ING1: variants seen among roughly 807,000 people sequenced by gnomAD.
The protein encoded by ING1 is inhibitor of growth protein 1.
Under a neutral mutation model 23.1 loss-of-function variants are expected in ING1, and 4 were observed. The observed-to-expected ratio is 0.17, with a 90% CI of 0.09 to 0.40. The LOEUF (loss-of-function observed/expected upper bound fraction) is 0.40. Among genes scored for constraint, ING1 ranks in the 10% least tolerant of loss-of-function variants. The pLI is 1.00. For synonymous variants in ING1, 179 were observed against 166.4 expected, an observed-to-expected ratio of 1.08 and a Z score of -0.58; for missense variants, 256 against 393.8, an observed-to-expected ratio of 0.65 and a Z score of 2.96.
At chr13:110,712,882 A>C (rs1232006849), upstream of ING1, 1 of 1,396,016 alleles carries the variant, frequency 7.2e-7, no homozygotes. Context: ...TTCCAAACTG[A>C]GTACCGGGAG....
upstream of ING1, chr13:110,713,056 C>T (rs775806738): frequency 3.4e-5 from 50 of 1,463,720 alleles, 1 homozygote; most frequent in East Asian, 7.5e-4. Flanking sequence ...GCCACTTCCG[C>T]CCGTGCCCGG....
In ING1 at chr13:110,721,435, A is replaced by G. The variant is rs931440630; in HGVS notation, c.*1503A>G. 1 of 151,002 alleles carries G rather than the reference A, an allele frequency of 6.6e-6. No individual in the cohort carries two copies. The highest frequency in any genetic ancestry group is 1.5e-5 in the Non-Finnish European group (1 of 67,924). The allele number at this position is 151,002 out of a possible 1,614,324, so 9.4% of individuals were successfully genotyped here. On this transcript the variant is annotated 3_prime_UTR_variant, in exon 2 of 2. Coordinates refer to ENST00000333219, the MANE Select transcript of ING1 (RefSeq NM_198219.3). ...CACCACCACGCCTGGCTAATTTTGT[A>G]TTTTCAGTAGAGACGCGGTTTCTCC...
chr13:110,717,154 T>G (rs1029620357), intron 1 of ING1, among the ~76,000 whole-genome samples: 1 of 152,262 alleles, frequency 6.6e-6, no homozygotes, highest in African/African-American at 2.4e-5. Context: ...GATACCATTT[T>G]GTAACCCTAA....
Position 110,713,874 on chromosome 13 carries a change from A to C in ING1, c.-276A>C, listed in dbSNP as rs1023950130. ...GCTCGTACGCGCGGCCCCCGGCGCC[A>C]GCCCCGCCGCCTGAGAGGGGGCCTG... On this transcript the variant is annotated 5_prime_UTR_variant, in exon 1 of 2. Coordinates refer to ENST00000333219, the MANE Select transcript of ING1 (RefSeq NM_198219.3). The C allele has an allele frequency of 3.7e-5, 36 of 980,872 alleles. No homozygotes were observed. The African/African-American group carries it at 5.6e-4, about 15-fold the overall frequency. 60.8% of individuals were successfully genotyped at this position (980,872 alleles called of 1,614,324 possible).
At chr13:110,713,567 A>C (rs2064065652), upstream of ING1, 26 of 985,894 alleles carry the variant, frequency 2.6e-5, no homozygotes, top group Middle Eastern at 1.0e-3. Context: ...TGGAGCCCGC[A>C]GCCCCCAGGG....
rs371138913 is a variant in ING1, at chr13:110,719,482, C to T, written c.390C>T (p.Gly130=). Residue 130 remains glycine (G), a synonymous_variant, in exon 2 of 2, where the codon GGC becomes GGT. Transcript: ENST00000333219. This position sits in a 1 kb window ranked among gnomAD's most constrained non-coding sequence, Gnocchi z 8.9. ...GDTAGNSGKA[G]ADRPKGEAAA... is the part of the protein sequence containing the mutation. ...CAGCGGGCAACAGCGGCAAGGCTGG[C>T]GCGGACAGGCCCAAAGGCGAGGCGG... 1.2e-6 allele frequency: 2 copies of T among 1,612,454 alleles called. No homozygotes were observed. The highest frequency in any genetic ancestry group is 1.7e-6 in the Non-Finnish European group (2 of 1,179,436).
chr13:110,715,826 C>G (rs773317453), intron 1 of ING1: 9 of 1,587,094 alleles, frequency 5.7e-6, no homozygotes, highest in Non-Finnish European at 7.7e-6. Context: ...CGGCCCCTCT[C>G]CCCGCTCAGC....
At position 110,719,155 on chromosome 13, in the gene ING1, G is replaced by A. The variant is rs2045137528; in HGVS notation, c.137-74G>A. On this transcript the variant is annotated intron_variant, in intron 1 of 1. Coordinates refer to ENST00000333219, the MANE Select transcript of ING1 (RefSeq NM_198219.3). The surrounding 1 kb of genome is among the most constrained non-coding windows in gnomAD (Gnocchi z 8.9). ...CCTAGGCTCCCTGCCAGCCCTCTCC[G>A]TAGACCCGTCCGGGGCCGTGTGGGT... The A allele has an allele frequency of 6.8e-6, 10 of 1,480,936 alleles. No individual in the cohort carries two copies. The South Asian group carries it at 7.3e-5, about 11-fold the overall frequency. 91.7% of individuals were successfully genotyped at this position (1,480,936 alleles called of 1,614,324 possible). A position where few individuals can be genotyped will look rare whatever the true frequency, so the allele number is the denominator to read the frequency against.
intron 1 of ING1, 53 bp downstream of exon 1, chr13:110,714,338 C>T (rs566563706): frequency 2.1e-6 from 3 of 1,412,900 alleles, no homozygotes; most frequent in Non-Finnish European, 2.8e-6. Context: ...CCGGCGGGTC[C>T]GGGCGCGCCG....
chr13:110,712,900 A>G, upstream of ING1: 3 of 1,520,172 alleles, frequency 2.0e-6, no homozygotes, highest in South Asian at 3.6e-5. Context: ...GAGACGACAC[A>G]AAGGGAGGGC....
chr13:110,712,781 C>T (rs2064047023), upstream of ING1: 1 of 720,302 alleles, frequency 1.4e-6, no homozygotes, highest in Non-Finnish European at 2.5e-6. Context: ...GAGATAAGGC[C>T]TAGGGAAGGC....
At position 110,719,644 on chromosome 13, in the gene ING1, C is replaced by CAAG; in HGVS notation, c.562_564dup (p.Lys188dup). The CAAG allele has an allele frequency of 1.2e-6, 2 of 1,612,448 alleles. No individual in the cohort carries two copies. The highest frequency in any genetic ancestry group is 1.7e-6 in the Non-Finnish European group (2 of 1,179,686). On this transcript the variant is annotated inframe_insertion, in exon 2 of 2. Transcript: ENST00000333219. This position sits in a 1 kb window ranked among gnomAD's most constrained non-coding sequence, Gnocchi z 8.9. ...CCAAGGAGAAGAAGGCCAAGACCTC[C>CAAG]AAGAAGAAGAAGCGCTCCAAGGCCA...
chr13:110,716,104 C>T, intron 1 of ING1: 4 of 1,297,790 alleles, frequency 3.1e-6, no homozygotes, highest in Non-Finnish European at 4.0e-6. Context: ...CGTGGGGTGA[C>T]CCTGGGGCTC....
chr13:110,715,772 G>A (rs779870514), intron 1 of ING1: 2 of 1,587,406 alleles, frequency 1.3e-6, no homozygotes, highest in Non-Finnish European at 1.7e-6. Flanking sequence ...CGAGTCTCCC[G>A]CTGGCCTCCT....
intron 1 of ING1, among the ~76,000 whole-genome samples, chr13:110,717,113 T>G (rs1425347471): frequency 1.3e-5 from 2 of 152,216 alleles, no homozygotes; most frequent in Non-Finnish European, 2.9e-5. Context: ...CAATATTGTC[T>G]TTAGAACTTT....
At chr13:110,713,271 C>T (rs2139962103), upstream of ING1, 6 of 1,311,970 alleles carry the variant, frequency 4.6e-6, no homozygotes, top group Non-Finnish European at 5.8e-6. Flanking sequence ...GAGTCAGGGG[C>T]TGAGGAGCGA....
At chr13:110,716,958 A>G (rs1245582429) in intron 1 of ING1, among the ~76,000 whole-genome samples, 1 of 152,222 alleles carries the variant, frequency 6.6e-6, no homozygotes, top group Non-Finnish European at 1.5e-5. Flanking sequence ...GGTAACAGAA[A>G]TACTTCTTGG....
chr13:110,715,193 G>A lies in ING1; in HGVS notation c.136+908G>A, dbSNP rs943933315. On this transcript the variant is annotated intron_variant, in intron 1 of 1. Coordinates refer to ENST00000333219, the MANE Select transcript of ING1 (RefSeq NM_198219.3). ...TCCTGCGAGGTCAGTCAAGGCTTTG[G>A]GGGCTCTGTTTTGAATGTGGATCAC... The A allele has an allele frequency of 3.2e-6, 4 of 1,246,348 alleles. No individual in the cohort carries two copies. The African/African-American group carries it at 6.2e-5, about 19-fold the overall frequency. 77.2% of individuals were successfully genotyped at this position (1,246,348 alleles called of 1,614,324 possible).
chr13:110,716,512 ATGT>A (rs2064124923), intron 1 of ING1, among the ~76,000 whole-genome samples: 1 of 152,204 alleles, frequency 6.6e-6, no homozygotes, highest in Non-Finnish European at 1.5e-5. Context: ...CATCAGTTGT[ATGT>A]TAATTCATAA....
Sources: gnomAD v4.1 joint callset for allele counts (sites outside exome capture counted in the v4.1 genomes callset) on GRCh38, gnomAD v4.1.1 for gene constraint, Gnocchi (gnomAD v3.1) non-coding constraint, MANE v1.5 for transcripts, NCBI Gene and HGNC (gene_info 2026-07-23, HGNC 2026-07-21) for gene names.